Variants in ZNF804B observed in about 807,000 individuals in gnomAD.
The protein encoded by ZNF804B is zinc finger protein 804B, also known as zinc finger 804B.
ZNF804B carries 80 observed loss-of-function variants against 101.4 expected under a neutral mutation model. The ratio of observed to expected loss-of-function variants is 0.79; its 90% CI spans 0.66 to 0.95. ZNF804B has a LOEUF of 0.95. Among genes scored for constraint, ZNF804B ranks in the 40% least tolerant of loss-of-function variants. The probability of loss-of-function intolerance (pLI) is 0.00; values close to 1 mark genes in which losing one functional copy is unlikely to be tolerated. For missense variants in ZNF804B, 1,673 were observed against 1,561.9 expected, an observed-to-expected ratio of 1.07 and a Z score of -1.20; for synonymous variants, 622 against 558.8, an observed-to-expected ratio of 1.11 and a Z score of -1.59.
chr7:88,801,999 T>C (rs1219147281), intron 1 of ZNF804B, among the ~76,000 whole-genome samples: 1 of 152,018 alleles, frequency 6.6e-6, no homozygotes, highest in East Asian at 1.9e-4. Flanking sequence ...AGGGATCTGG[T>C]GGGAGGTGAT....
At chr7:88,843,769 A>G (rs1426541745) in intron 1 of ZNF804B, among the ~76,000 whole-genome samples, 2 of 152,078 alleles carry the variant, frequency 1.3e-5, no homozygotes, top group African/African-American at 2.4e-5. Context: ...ATAAAATAAC[A>G]AATGAAGACA....
At chr7:89,192,893 A>T (rs1449859930) in intron 1 of ZNF804B, among the ~76,000 whole-genome samples, 7 of 152,124 alleles carry the variant, frequency 4.6e-5, no homozygotes, top group Non-Finnish European at 7.4e-5. Context: ...AGAACTACAA[A>T]CTAACCACAT....
intron 1 of ZNF804B, among the ~76,000 whole-genome samples, chr7:89,207,291 C>T (rs551285832): frequency 3.9e-5 from 6 of 152,194 alleles, no homozygotes; most frequent in Non-Finnish European, 7.3e-5. Context: ...TTAATTGACT[C>T]ACAGTTCCAC....
rs980512220 is a variant in ZNF804B, at chr7:88,829,219, T to A, written c.108+69135T>A. ...GCTCCTCCCACCTCAACCTCCCAAGTAGCTGGGACTACAGGTGTGTGTCCC... is the reference window on the plus strand; with the variant it reads ...GCTCCTCCCACCTCAACCTCCCAAGAAGCTGGGACTACAGGTGTGTGTCCC... On this transcript the variant is annotated intron_variant, in intron 1 of 3. Coordinates refer to ENST00000333190, the MANE Select transcript of ZNF804B (RefSeq NM_181646.5). Among the ~76,000 whole-genome samples, 3 of 152,068 alleles carry A rather than the reference T, an allele frequency of 2.0e-5. 1 individual carries two copies. Among genetic ancestry groups the A allele is most frequent in the African/African-American group, 7.2e-5 (3 of 41,426 alleles).
chr7:89,045,611 AT>A (rs951330063), intron 1 of ZNF804B, among the ~76,000 whole-genome samples: 2 of 152,332 alleles, frequency 1.3e-5, no homozygotes, highest in East Asian at 1.9e-4. Context: ...CAAGGAGATC[AT>A]TTTGGAACTT....
At chr7:88,900,026 G>A (rs7809860) in intron 1 of ZNF804B, among the ~76,000 whole-genome samples, 72,201 of 151,892 alleles carry the variant, frequency 0.48, 19,830 homozygotes, top group African/African-American at 0.76. Flanking sequence ...GAATAGTACA[G>A]TGAAACAGTA....
At chr7:89,312,813 A>G (rs1790664766) in intron 2 of ZNF804B, among the ~76,000 whole-genome samples, 2 of 151,198 alleles carry the variant, frequency 1.3e-5, no homozygotes, top group South Asian at 4.2e-4. Context: ...CACCTTATCA[A>G]GAAAAGAAAA....
chr7:88,864,070 C>T (rs1035488021), intron 1 of ZNF804B, among the ~76,000 whole-genome samples: 1 of 152,206 alleles, frequency 6.6e-6, no homozygotes, highest in Non-Finnish European at 1.5e-5. Flanking sequence ...CTGCATTCAT[C>T]CTGGGTAGAA....
At position 88,854,549 on chromosome 7, in the gene ZNF804B, T is replaced by TC. The variant is rs1554340280; in HGVS notation, c.108+94467dup. 1.2e-4 allele frequency among the ~76,000 whole-genome samples: 15 copies of TC among 120,388 alleles called. No individual in the cohort carries two copies. The East Asian group carries it at 3.1e-3, about 25-fold the overall frequency. The allele number at this position is 120,388 out of a possible 152,430, so 79.0% of individuals were successfully genotyped here. A position where few individuals can be genotyped will look rare whatever the true frequency, so the allele number is the denominator to read the frequency against. On this transcript the variant is annotated intron_variant, in intron 1 of 3. Transcript: ENST00000333190. Reference sequence around the variant, plus strand: ...TCCTTTCCTTCCTTCCTTCCTTCCTTCCTTCCTTCCTTCCTTCCTTCCTTC... The same window carrying TC: ...TCCTTTCCTTCCTTCCTTCCTTCCTTCCCTTCCTTCCTTCCTTCCTTCCTTC...
intron 1 of ZNF804B, among the ~76,000 whole-genome samples, chr7:88,989,953 A>T (rs978092232): frequency 1.3e-5 from 2 of 151,892 alleles, no homozygotes; most frequent in African/African-American, 4.8e-5. Context: ...TATCCCTTCT[A>T]TCTATAATTT....
At chr7:88,962,777 A>G (rs916762484) in intron 1 of ZNF804B, among the ~76,000 whole-genome samples, 7 of 145,946 alleles carry the variant, frequency 4.8e-5, no homozygotes, top group South Asian at 4.3e-4. Flanking sequence ...TTACATAATT[A>G]TAAATTTATA....
Position 89,335,845 on chromosome 7 carries a change from T to C in ZNF804B, c.2863T>C (p.Leu955=), listed in dbSNP as rs73210814. The C allele has an allele frequency of 2.5e-6, 4 of 1,614,056 alleles. No homozygotes were observed. The highest frequency in any genetic ancestry group is 3.4e-6 in the Non-Finnish European group (4 of 1,179,976). The part of the protein sequence containing the change: ...EISSNSCKSE[L]EAPSQVPCTI... ...CTCTTCAAACAGTTGTAAAAGTGAA[T>C]TAGAGGCTCCTTCGCAAGTCCCATG... The change falls in exon 4 of 4, where the codon TTA becomes CTA. Residue 955 remains leucine (L), a synonymous_variant. Coordinates refer to ENST00000333190, the MANE Select transcript of ZNF804B (RefSeq NM_181646.5).
intron 1 of ZNF804B, among the ~76,000 whole-genome samples, chr7:88,855,234 T>C (rs1002526693): frequency 2.0e-5 from 3 of 152,014 alleles, no homozygotes; most frequent in African/African-American, 4.8e-5. Flanking sequence ...TGTAAAAGTG[T>C]TCCTATTTCT....
intron 1 of ZNF804B, among the ~76,000 whole-genome samples, chr7:88,958,894 C>T (rs1316568111): frequency 6.6e-6 from 1 of 151,428 alleles, no homozygotes; most frequent in Admixed American, 6.6e-5. Flanking sequence ...TTATTTCTTT[C>T]ATATTGTCTT....
At chr7:89,265,427 T>A (rs942724883) in intron 2 of ZNF804B, among the ~76,000 whole-genome samples, 2 of 152,220 alleles carry the variant, frequency 1.3e-5, no homozygotes, top group African/African-American at 4.8e-5. Context: ...CAAGTGGAAC[T>A]TAGGGGATAC....
intron 1 of ZNF804B, among the ~76,000 whole-genome samples, chr7:89,057,192 G>T (rs1789310345): frequency 6.6e-6 from 1 of 152,142 alleles, no homozygotes; most frequent in South Asian, 2.1e-4. Context: ...TTCTTAAACA[G>T]TCTTATGACC....
chr7:88,965,996 T>C (rs542530968), intron 1 of ZNF804B, among the ~76,000 whole-genome samples: 10 of 151,638 alleles, frequency 6.6e-5, no homozygotes, highest in African/African-American at 2.4e-4. Flanking sequence ...AAAATTCTTT[T>C]AATATATGTG....
intron 1 of ZNF804B, among the ~76,000 whole-genome samples, chr7:89,174,124 TAA>T (rs1329816605): frequency 3.3e-5 from 5 of 151,920 alleles, no homozygotes; most frequent in Middle Eastern, 3.2e-3. Context: ...TTAAAATGTA[TAA>T]GAGATCAATG....
chr7:88,876,694 A>G (rs1403101734), intron 1 of ZNF804B, among the ~76,000 whole-genome samples: 1 of 152,044 alleles, frequency 6.6e-6, no homozygotes, highest in East Asian at 1.9e-4. Flanking sequence ...TTGTCCTGCA[A>G]AAAGCTGTAA....
Sources: allele counts gnomAD v4.1 joint callset (sites outside exome capture counted in the v4.1 genomes callset), GRCh38; gene constraint gnomAD v4.1.1; transcripts MANE v1.5; gene names NCBI Gene and HGNC (gene_info 2026-07-23, HGNC 2026-07-21).